The following LUC7L2 variants were observed in gnomAD, a reference collection of about 807,000 sequenced individuals.
LUC7L2 encodes putative RNA-binding protein Luc7-like 2.
LUC7L2 carries 25 observed loss-of-function variants against 52.8 expected under a neutral mutation model. The ratio of observed to expected loss-of-function variants is 0.47; its 90% CI spans 0.34 to 0.66. LUC7L2 has a LOEUF of 0.66. LUC7L2 is among the 30% of genes least tolerant of loss of function. The probability of loss-of-function intolerance (pLI) is 0.01; values close to 1 mark genes in which losing one functional copy is unlikely to be tolerated. For synonymous variants in LUC7L2, 144 were observed against 160.9 expected (o/e 0.89, Z 0.80); for missense variants, 328 against 497.8 (o/e 0.66, Z 3.25).
intron 1 of LUC7L2, 57 bp from the exon 2 acceptor site, chr7:139,376,005 C>T: frequency 6.3e-7 from 1 of 1,583,628 alleles, no homozygotes; most frequent in Non-Finnish European, 8.6e-7. Flanking sequence ...GTAGGGCTCT[C>T]AGAAAATACT....
intron 2 of LUC7L2, among the ~76,000 whole-genome samples, chr7:139,379,596 T>C (rs1800893138): frequency 8.6e-6 from 1 of 116,174 alleles, no homozygotes; most frequent in African/African-American, 3.3e-5. Flanking sequence ...TTGAGACAGA[T>C]ACTCGCTCTG....
intron 6 of LUC7L2, 139 bp downstream of exon 6, chr7:139,407,489 G>A (rs537831997): frequency 2.0e-6 from 2 of 1,025,572 alleles, no homozygotes; most frequent in Non-Finnish European, 2.5e-6. Flanking sequence ...GATTATAGAT[G>A]GAAATTCAAG....
chr7:139,381,947 C>T (rs545927265), intron 2 of LUC7L2, among the ~76,000 whole-genome samples: 8 of 140,526 alleles, frequency 5.7e-5, no homozygotes, highest in South Asian at 2.3e-4. Context: ...TGCAGTGGCA[C>T]GGTCTCGGCT....
intron 2 of LUC7L2, among the ~76,000 whole-genome samples, chr7:139,397,878 A>C (rs1162182013): frequency 2.6e-5 from 4 of 152,174 alleles, no homozygotes; most frequent in Non-Finnish European, 4.4e-5. Flanking sequence ...GCTTATTATA[A>C]GTGGGATTAA....
At chr7:139,398,836 T>C in intron 3 of LUC7L2, 139 bp downstream of exon 3, 1 of 634,782 alleles carries the variant, frequency 1.6e-6, no homozygotes, top group Non-Finnish European at 2.5e-6. Context: ...AGTAAGATCA[T>C]GTACTTTCTT....
intron 4 of LUC7L2, among the ~76,000 whole-genome samples, chr7:139,403,334 T>C (rs532051944): frequency 1.3e-5 from 2 of 152,234 alleles, no homozygotes; most frequent in Admixed American, 1.3e-4. Flanking sequence ...TGATGACTTA[T>C]TACAACATAA....
intron 9 of LUC7L2, among the ~76,000 whole-genome samples, chr7:139,419,286 A>C (rs1174664901): frequency 6.6e-6 from 1 of 152,258 alleles, no homozygotes; most frequent in East Asian, 1.9e-4. Context: ...CAAATAACAG[A>C]GTAATCAAAA....
At chr7:139,412,970 A>ACAT (rs987621100) in intron 8 of LUC7L2, 1 of 153,958 alleles carries the variant, frequency 6.5e-6, no homozygotes, top group African/African-American at 2.4e-5. Context: ...GCTGTTGAAA[A>ACAT]CATTAGTAGG....
chr7:139,359,814 G>A, upstream of LUC7L2: 2 of 403,238 alleles, frequency 5.0e-6, no homozygotes, highest in East Asian at 3.6e-5. Flanking sequence ...CTCCACTCGG[G>A]CGGGGCGGGC....
At chr7:139,389,051 A>AT (rs11480564) in intron 2 of LUC7L2, among the ~76,000 whole-genome samples, 16,469 of 145,012 alleles carry the variant, frequency 0.11, 2,534 homozygotes, top group African/African-American at 0.35. Context: ...TTTTTAAATG[A>AT]TTTTTTTTTT....
chr7:139,350,289 T>A (rs1424177168), intron 1 of LUC7L2, among the ~76,000 whole-genome samples: 2 of 151,352 alleles, frequency 1.3e-5, no homozygotes, highest in African/African-American at 2.4e-5. Context: ...GCCCGGCTAA[T>A]TTTTTGTATT....
chr7:139,345,352 A>G (rs1295103178), intron 1 of LUC7L2: 3 of 1,257,282 alleles, frequency 2.4e-6, no homozygotes, highest in African/African-American at 1.5e-5. Flanking sequence ...GCCTCTATAG[A>G]TGTATTAAGT....
intron 1 of LUC7L2, among the ~76,000 whole-genome samples, chr7:139,367,381 A>G (rs1800216001): frequency 6.6e-6 from 1 of 152,238 alleles, no homozygotes; most frequent in African/African-American, 2.4e-5. Flanking sequence ...ATACCACCAT[A>G]AAAATAAATA....
At chr7:139,396,288 T>A (rs74848522) in intron 2 of LUC7L2, among the ~76,000 whole-genome samples, 1 of 151,738 alleles carries the variant, frequency 6.6e-6, no homozygotes, top group African/African-American at 2.4e-5. Context: ...AAAAAAAAAT[T>A]AGCTGGATAT....
chr7:139,411,036 A>G (rs28370878), intron 7 of LUC7L2, among the ~76,000 whole-genome samples: 1,663 of 152,300 alleles, frequency 0.011, 34 homozygotes, highest in African/African-American at 0.038. Flanking sequence ...TTATGGGAAT[A>G]TTGCCCAGTA....
At chr7:139,387,202 T>A (rs1055899537) in intron 2 of LUC7L2, among the ~76,000 whole-genome samples, 14 of 152,048 alleles carry the variant, frequency 9.2e-5, no homozygotes, top group Non-Finnish European at 7.4e-5. Context: ...AAAATAAAGA[T>A]ATGTGTTGAT....
intron 8 of LUC7L2, 149 bp downstream of exon 8, chr7:139,412,729 G>A (rs1795416118): frequency 3.3e-6 from 3 of 901,718 alleles, no homozygotes; most frequent in Non-Finnish European, 4.7e-6. Context: ...TCAAGAGGCT[G>A]AGGCAGAATT....
rs149374248 is a variant in LUC7L2 at position 139,419,992 on chromosome 7, C to G, written c.1002-2171C>G. On this transcript the variant is annotated intron_variant, in intron 9 of 9. Transcript: ENST00000354926. ...GGTTTAATTTTTCAAGGTAAAAGTT[C>G]TTATTGAAAGCCTTTTATGTTTTGC... Among the ~76,000 whole-genome samples the G allele has an allele frequency of 4.7e-4, 71 of 152,192 alleles. No homozygotes were observed. The East Asian group carries it at 0.013, about 27-fold the overall frequency.
chr7:139,410,059 T>A (rs1003847076), intron 7 of LUC7L2, among the ~76,000 whole-genome samples: 2 of 152,018 alleles, frequency 1.3e-5, no homozygotes, highest in Admixed American at 1.3e-4. Flanking sequence ...TACAAAAAAT[T>A]AGCTGGGCGA....
Sources: allele counts gnomAD v4.1 joint callset (sites outside exome capture counted in the v4.1 genomes callset), GRCh38; gene constraint gnomAD v4.1.1; transcripts MANE v1.5; gene names NCBI Gene and HGNC (gene_info 2026-07-23, HGNC 2026-07-21).